PRELID2: variants seen among roughly 807,000 people sequenced by gnomAD.
PRELID2 encodes the protein PRELI domain-containing protein 2.
A neutral mutation model predicts 28.4 loss-of-function variants in PRELID2; 25 were observed. The observed-to-expected ratio is 0.88, with a 90% CI of 0.64 to 1.23. PRELID2 has a LOEUF of 1.23. Among genes scored for constraint, PRELID2 ranks in the 50% most tolerant of loss-of-function variants. PRELID2 has a pLI of 0.00. For synonymous variants in PRELID2, 76 were observed against 71.6 expected (o/e 1.06, Z -0.31); for missense variants, 201 against 214.4 (o/e 0.94, Z 0.39).
At chr5:145,282,052 G>T in the PRELID2 span, among the ~76,000 whole-genome samples, 1 of 152,242 alleles carries the variant, frequency 6.6e-6, no homozygotes, top group East Asian at 1.9e-4. Context: ...AATAAGAATA[G>T]CCTTTTTAAT....
the PRELID2 span, among the ~76,000 whole-genome samples, chr5:145,270,696 T>C: frequency 3.3e-5 from 5 of 152,154 alleles, no homozygotes; most frequent in Non-Finnish European, 7.4e-5. Context: ...AGAAGGATTC[T>C]ACAGAAATTT....
intron 1 of PRELID2, among the ~76,000 whole-genome samples, chr5:145,642,089 C>T (rs1464711379): frequency 6.6e-6 from 1 of 152,170 alleles, no homozygotes; most frequent in Admixed American, 6.5e-5. Context: ...GGAATCACCA[C>T]ACTGTCTTCC....
the PRELID2 span, among the ~76,000 whole-genome samples, chr5:145,305,955 G>A: frequency 2.6e-5 from 4 of 152,118 alleles, no homozygotes; most frequent in East Asian, 1.9e-4. Context: ...GGATTCTACC[G>A]GTGGGAACAC....
chr5:145,402,701 C>T, the PRELID2 span, among the ~76,000 whole-genome samples: 1 of 152,068 alleles, frequency 6.6e-6, no homozygotes, highest in Non-Finnish European at 1.5e-5. Flanking sequence ...GGATTATATG[C>T]AATAATGCAT....
the PRELID2 span, among the ~76,000 whole-genome samples, chr5:145,333,241 T>C: frequency 2.1e-4 from 32 of 152,268 alleles, no homozygotes; most frequent in African/African-American, 7.5e-4. Context: ...TCAGGAGGCA[T>C]GGAGGTCAGG....
chr5:145,463,974 G>A, the PRELID2 span, among the ~76,000 whole-genome samples: 2 of 152,182 alleles, frequency 1.3e-5, no homozygotes, highest in African/African-American at 2.4e-5. Context: ...TACATTACAA[G>A]AGGATTATGG....
At chr5:145,457,496 T>G in the PRELID2 span, among the ~76,000 whole-genome samples, 1 of 152,210 alleles carries the variant, frequency 6.6e-6, no homozygotes, top group Non-Finnish European at 1.5e-5. Flanking sequence ...TGTATCAGTC[T>G]ACACTGGGGA....
chr5:145,578,621 G>T (rs1027277240), intron 1 of PRELID2, among the ~76,000 whole-genome samples: 4 of 152,074 alleles, frequency 2.6e-5, no homozygotes, highest in Non-Finnish European at 5.9e-5. Flanking sequence ...GTTAAATACA[G>T]ATATAGTTTT....
intron 1 of PRELID2, among the ~76,000 whole-genome samples, chr5:145,608,520 T>G (rs1031576887): frequency 2.0e-5 from 3 of 152,214 alleles, no homozygotes; most frequent in Non-Finnish European, 4.4e-5. Flanking sequence ...TGGCTAGATA[T>G]GAAATTCTTG....
the PRELID2 span, among the ~76,000 whole-genome samples, chr5:145,428,959 G>C: frequency 1.3e-5 from 2 of 152,156 alleles, no homozygotes; most frequent in Admixed American, 1.3e-4. Flanking sequence ...AAGAGGAGTA[G>C]GGAAGGAGTG....
intron 1 of PRELID2, among the ~76,000 whole-genome samples, chr5:145,482,804 G>A (rs750204516): frequency 6.6e-6 from 1 of 151,748 alleles, no homozygotes; most frequent in Non-Finnish European, 1.5e-5. Context: ...GACAGTGACA[G>A]ATCATCAGGT....
At chr5:145,658,941 C>T (rs540317105) in intron 1 of PRELID2, among the ~76,000 whole-genome samples, 40 of 152,252 alleles carry the variant, frequency 2.6e-4, no homozygotes, top group Non-Finnish European at 5.3e-4. Flanking sequence ...GAAAAGCCTC[C>T]ATGAAGATGT....
rs1220628333 is a variant in PRELID2 at position 145,629,750 on chromosome 5, G to A, written n.70+135181C>T. 2.0e-5 allele frequency among the ~76,000 whole-genome samples: 3 copies of A among 149,530 alleles called. No individual in the cohort carries two copies. The East Asian group carries it at 5.8e-4, about 29-fold the overall frequency. ...GGCTTTAAAACTTCTACACTCTACT[G>A]TCTCCTTAAGCAGGATACAAACCCA... On this transcript the variant is annotated intron_variant and non_coding_transcript_variant, in intron 1 of 2. Transcript: ENST00000510259.
At chr5:145,451,920 C>T in the PRELID2 span, among the ~76,000 whole-genome samples, 6 of 152,156 alleles carry the variant, frequency 3.9e-5, no homozygotes, top group African/African-American at 1.4e-4. Flanking sequence ...GATGGTTGCT[C>T]TCAAAACAGC....
chr5:145,250,676 A>G, the PRELID2 span, among the ~76,000 whole-genome samples: 1 of 152,144 alleles, frequency 6.6e-6, no homozygotes, highest in Admixed American at 6.6e-5. Context: ...TTTGAGATGG[A>G]ATACAAACAC....
intron 1 of PRELID2, among the ~76,000 whole-genome samples, chr5:145,715,662 A>C (rs1229201325): frequency 1.2e-4 from 18 of 151,934 alleles, no homozygotes; most frequent in Admixed American, 1.0e-3. Context: ...GCCCATCCAC[A>C]CTGGTTTCTG....
the PRELID2 span, among the ~76,000 whole-genome samples, chr5:145,309,383 G>GA: frequency 6.6e-6 from 1 of 152,164 alleles, no homozygotes; most frequent in Non-Finnish European, 1.5e-5. Context: ...GGGCTGGATT[G>GA]AAGTGTTCAT....
the PRELID2 span, among the ~76,000 whole-genome samples, chr5:145,445,761 C>T: frequency 6.6e-6 from 1 of 151,976 alleles, no homozygotes; most frequent in African/African-American, 2.4e-5. Flanking sequence ...CACACACACA[C>T]ACACACATCA....
At chr5:145,743,689 C>T (rs893765726) in intron 1 of PRELID2, among the ~76,000 whole-genome samples, 3 of 152,144 alleles carry the variant, frequency 2.0e-5, no homozygotes, top group Admixed American at 6.5e-5. Flanking sequence ...ACCCGTGGGT[C>T]GGAAGATCCC....
Sources: gnomAD v4.1 joint callset for allele counts (sites outside exome capture counted in the v4.1 genomes callset) on GRCh38, gnomAD v4.1.1 for gene constraint, MANE v1.5 for transcripts, NCBI Gene and HGNC (gene_info 2026-07-23, HGNC 2026-07-21) for gene names.